C2CD2: variants seen among roughly 807,000 people sequenced by gnomAD.
C2CD2 encodes C2 calcium dependent domain containing 2.
A neutral mutation model predicts 74.3 loss-of-function variants in C2CD2; 43 were observed. The ratio of observed to expected loss-of-function variants is 0.58; its 90% CI spans 0.45 to 0.75. The LOEUF (loss-of-function observed/expected upper bound fraction) is 0.75, where lower values mean the gene tolerates loss of function less well. Among genes scored for constraint, C2CD2 ranks in the 30% least tolerant of loss-of-function variants. The probability of loss-of-function intolerance (pLI) is 0.00; values close to 1 mark genes in which losing one functional copy is unlikely to be tolerated. For synonymous variants in C2CD2, 422 were observed against 390.7 expected (o/e 1.08, Z -0.94); for missense variants, 801 against 916.3 (o/e 0.87, Z 1.63).
Position 41,903,490 on chromosome 21 carries a change from C to T in C2CD2, c.1433-1741G>A, listed in dbSNP as rs2064923331. Among the ~76,000 whole-genome samples the T allele has an allele frequency of 6.6e-6, 1 of 151,466 alleles. No homozygotes were observed. The highest frequency in any genetic ancestry group is 1.5e-5 in the Non-Finnish European group (1 of 67,866). On this transcript the variant is annotated intron_variant, in intron 11 of 13. Coordinates refer to ENST00000380486, the MANE Select transcript of C2CD2 (RefSeq NM_015500.2). The surrounding 1 kb of genome is among the most constrained non-coding windows in gnomAD (Gnocchi z 4.5). ...CACCCAGTTGGTGTCTGCAGAGAAA[C>T]AGAAAATTGCTTGCCATAGAAAATC...
chr21:41,950,953 G>A (rs1354645240), intron 1 of C2CD2, among the ~76,000 whole-genome samples: 2 of 152,174 alleles, frequency 1.3e-5, no homozygotes, highest in African/African-American at 2.4e-5. Flanking sequence ...TCAGGACAAG[G>A]CAGAGGCAGG....
chr21:41,900,067 C>T (rs755780965), intron 12 of C2CD2, among the ~76,000 whole-genome samples: 2 of 151,946 alleles, frequency 1.3e-5, no homozygotes, highest in Admixed American at 6.6e-5. Context: ...CCTGTGGAAG[C>T]GCCCACTGAC....
At chr21:41,911,802 T>A (rs1023733666) in intron 7 of C2CD2, among the ~76,000 whole-genome samples, 2 of 152,016 alleles carry the variant, frequency 1.3e-5, no homozygotes, top group Admixed American at 1.3e-4. Flanking sequence ...GCAATCCTCC[T>A]GCGTCAGCCT....
chr21:41,939,953 C>T lies in C2CD2; in HGVS notation c.378+2194G>A, dbSNP rs951715401. On this transcript the variant is annotated intron_variant, in intron 2 of 13. Coordinates refer to ENST00000380486, the MANE Select transcript of C2CD2 (RefSeq NM_015500.2). This position sits in a 1 kb window ranked among gnomAD's most constrained non-coding sequence, Gnocchi z 5.5. ...ACAGACACAATCGCTGCAGCACTGTCTGTGCGGACTGAGCATCCCGAATCC... is the reference window on the plus strand; with the variant it reads ...ACAGACACAATCGCTGCAGCACTGTTTGTGCGGACTGAGCATCCCGAATCC... 6.6e-5 allele frequency among the ~76,000 whole-genome samples: 10 copies of T among 152,228 alleles called. No individual in the cohort carries two copies. Among genetic ancestry groups the T allele is most frequent in the African/African-American group, 2.2e-4 (9 of 41,458 alleles).
At chr21:41,925,160 C>A (rs1301751852) in intron 2 of C2CD2, among the ~76,000 whole-genome samples, 3 of 152,162 alleles carry the variant, frequency 2.0e-5, no homozygotes, top group Non-Finnish European at 4.4e-5. Context: ...TTCTTAGCCT[C>A]CCCTCAGAAT....
intron 2 of C2CD2, among the ~76,000 whole-genome samples, chr21:41,930,734 A>G (rs930415392): frequency 4.0e-5 from 6 of 150,054 alleles, no homozygotes; most frequent in Non-Finnish European, 9.0e-5. Flanking sequence ...AAAGAAAGAA[A>G]GAAAATGAGG....
chr21:41,913,044 G>A (rs999257186), intron 6 of C2CD2, among the ~76,000 whole-genome samples: 1 of 152,218 alleles, frequency 6.6e-6, no homozygotes, highest in Non-Finnish European at 1.5e-5. Flanking sequence ...GCTCCCAGGG[G>A]GACCCTCCCC....
At chr21:41,917,396 A>T (rs764615003) in intron 5 of C2CD2, among the ~76,000 whole-genome samples, 2 of 152,224 alleles carry the variant, frequency 1.3e-5, no homozygotes, top group Non-Finnish European at 2.9e-5. Flanking sequence ...CTGCCAAAAA[A>T]ATATATTTTT....
chr21:41,925,771 G>T lies in C2CD2; in HGVS notation c.379-3686C>A, dbSNP rs556566911. ...GTTCCTCGCATCACAGCAGAAGTCA[G>T]GATCGCCTGACACAGGTAAGCAGCT... On this transcript the variant is annotated intron_variant, in intron 2 of 13. Transcript: ENST00000380486. Among the ~76,000 whole-genome samples, 150 of 152,342 alleles carry T rather than the reference G, an allele frequency of 9.8e-4. 3 individuals are homozygous for T. In the South Asian group the frequency reaches 0.03, roughly 31 times the overall value.
chr21:41,926,484 C>T lies in C2CD2; in HGVS notation c.379-4399G>A, dbSNP rs2065214434. ...GGGGAGGGGAAAACAAGACTGAAGG[C>T]TGAAGAGCAGGCTGAGCGGGGAGGC... On this transcript the variant is annotated intron_variant, in intron 2 of 13. Coordinates refer to ENST00000380486, the MANE Select transcript of C2CD2 (RefSeq NM_015500.2). This position sits in a 1 kb window ranked among gnomAD's most constrained non-coding sequence, Gnocchi z 8.0. The T allele has an allele frequency of 1.3e-6, 1 of 786,694 alleles. No homozygotes were observed. The highest frequency in any genetic ancestry group is 1.5e-6 in the Non-Finnish European group (1 of 648,462). The allele number at this position is 786,694 out of a possible 1,614,324, so 48.7% of individuals were successfully genotyped here.
rs535435780 is a variant in C2CD2 at position 41,895,424 on chromosome 21, G to A, written c.1870+3629C>T. Among the ~76,000 whole-genome samples, 5 of 152,282 alleles carry A rather than the reference G, an allele frequency of 3.3e-5. No homozygotes were observed. The South Asian group carries it at 1.0e-3, about 32-fold the overall frequency. On this transcript the variant is annotated intron_variant, in intron 13 of 13. Coordinates refer to ENST00000380486, the MANE Select transcript of C2CD2 (RefSeq NM_015500.2). This position sits in a 1 kb window ranked among gnomAD's most constrained non-coding sequence, Gnocchi z 5.0. Reference sequence around the variant, plus strand: ...GTTCACACTACGGTCAACAATAGCCGGGGCCATGTTGATTGCATGAAGCCT... The same window carrying A: ...GTTCACACTACGGTCAACAATAGCCAGGGCCATGTTGATTGCATGAAGCCT...
intron 1 of C2CD2, among the ~76,000 whole-genome samples, chr21:41,946,845 C>T (rs2065401696): frequency 6.6e-6 from 1 of 152,038 alleles, no homozygotes; most frequent in South Asian, 2.1e-4. Flanking sequence ...ATGAAAATGC[C>T]AGGCAAATGG....
chr21:41,937,257 C>CT (rs1172704014), intron 2 of C2CD2, among the ~76,000 whole-genome samples: 4 of 152,060 alleles, frequency 2.6e-5, no homozygotes, highest in Non-Finnish European at 5.9e-5. Context: ...GCTGGGATTA[C>CT]AGGCACCCAT....
At chr21:41,940,712 A>G (rs978411490) in intron 2 of C2CD2, among the ~76,000 whole-genome samples, 7 of 152,262 alleles carry the variant, frequency 4.6e-5, no homozygotes, top group Non-Finnish European at 7.3e-5. Flanking sequence ...TAGATTCTTT[A>G]TATACACATA....
rs972671990 is a variant in C2CD2 at position 41,914,463 on chromosome 21, T to G, written c.844+135A>C. 3.3e-5 allele frequency: 21 copies of G among 635,242 alleles called. No homozygotes were observed. In the African/African-American group the frequency reaches 3.7e-4, roughly 11 times the overall value. The allele number at this position is 635,242 out of a possible 1,614,324, so 39.4% of individuals were successfully genotyped here. A position where few individuals can be genotyped will look rare whatever the true frequency, so the allele number is the denominator to read the frequency against. ...TCCCGTTACATTTTCAGGTGCTTTCTGCAACCGTGGCAGGGCTCCCGCTGC... is the reference window on the plus strand; with the variant it reads ...TCCCGTTACATTTTCAGGTGCTTTCGGCAACCGTGGCAGGGCTCCCGCTGC... On this transcript the variant is annotated intron_variant, in intron 6 of 13. Coordinates refer to ENST00000380486, the MANE Select transcript of C2CD2 (RefSeq NM_015500.2).
chr21:41,932,390 G>A (rs765402500), intron 2 of C2CD2, among the ~76,000 whole-genome samples: 3 of 150,320 alleles, frequency 2.0e-5, no homozygotes, highest in East Asian at 1.9e-4. Context: ...GCTATGAGCC[G>A]CTCTAGTAAA....
intron 2 of C2CD2, 134 bp from the exon 3 acceptor site, chr21:41,922,219 C>T (rs979672145): frequency 1.3e-5 from 8 of 600,786 alleles, no homozygotes; most frequent in South Asian, 2.0e-5. Flanking sequence ...AGTGCAGTGG[C>T]GCGATCTCAG....
intron 11 of C2CD2, among the ~76,000 whole-genome samples, chr21:41,902,948 C>T (rs375815795): frequency 2.6e-5 from 4 of 152,150 alleles, no homozygotes; most frequent in South Asian, 4.1e-4. Flanking sequence ...GAACTTTCTG[C>T]CCTCCTCTCG....
At chr21:41,905,619 A>G (rs1170172114) in intron 11 of C2CD2, 105 bp downstream of exon 11, 2 of 633,952 alleles carry the variant, frequency 3.2e-6, no homozygotes, top group Non-Finnish European at 5.5e-6. Context: ...CACCAGGCCC[A>G]AAACAACTTT....
Sources: gnomAD v4.1 joint callset for allele counts (sites outside exome capture counted in the v4.1 genomes callset) on GRCh38, gnomAD v4.1.1 for gene constraint, Gnocchi (gnomAD v3.1) non-coding constraint, MANE v1.5 for transcripts, NCBI Gene and HGNC (gene_info 2026-07-23, HGNC 2026-07-21) for gene names.